The following DBT variants were observed in gnomAD, a reference collection of about 807,000 sequenced individuals.
DBT encodes lipoamide acyltransferase component of branched-chain alpha-keto acid dehydrogenase complex, mitochondrial.
In DBT, 40 loss-of-function variants were observed where a neutral mutation model predicts 51.3. The ratio of observed to expected loss-of-function variants is 0.78; its 90% CI spans 0.61 to 1.02. The LOEUF is 1.02. Among genes scored for constraint, DBT ranks in the 50% least tolerant of loss-of-function variants. The pLI, the probability that DBT is intolerant of heterozygous loss-of-function variation, is 0.00. For synonymous variants in DBT, 181 were observed against 190.4 expected, an observed-to-expected ratio of 0.95 and a Z score of 0.41; for missense variants, 510 against 580.2, an observed-to-expected ratio of 0.88 and a Z score of 1.24.
chr1:100,240,739 G>T, intron 2 of DBT, 22 bp downstream of exon 2: 1 of 1,567,054 alleles, frequency 6.4e-7, no homozygotes, highest in Non-Finnish European at 8.8e-7. Context: ...TTTTATACAC[G>T]TTATTTTGAA....
Position 100,210,694 on chromosome 1 carries a change from C to T in DBT, c.1017G>A (p.Lys339=), listed in dbSNP as rs1490661508. 5 of 1,612,978 alleles carry T rather than the reference C, an allele frequency of 3.1e-6. No individual in the cohort carries two copies. Among genetic ancestry groups the T allele is most frequent in the East Asian group, 2.2e-5 (1 of 44,808 alleles). ...AACATTTTTACTCTGCATAGCCAAC[C>T]TTATATGTTATATTCTGGCAGTTTT... The part of the protein sequence containing the change: ...VDENCQNITY[K]ASHNIGIAMD... Residue 339 remains lysine, a splice_region_variant and synonymous_variant, in exon 8 of 11, where the codon AAG becomes AAA. Transcript: ENST00000370132.
chr1:100,240,658 T>C (rs1235262519), intron 2 of DBT, 103 bp downstream of exon 2: 2 of 947,260 alleles, frequency 2.1e-6, no homozygotes, highest in Non-Finnish European at 3.4e-6. Context: ...AAATACAGAG[T>C]CAACTTTTTT....
chr1:100,206,274 T>A lies in DBT; in HGVS notation c.1237A>T (p.Ile413Leu). Residue 413 changes from isoleucine (I) to leucine (L), a missense_variant, in exon 10 of 11, where the codon ATA becomes TTA. Physicochemically the swap from Ile to Leu is conservative, Grantham distance 5 (BLOSUM62 2). Coordinates refer to ENST00000370132, the MANE Select transcript of DBT (RefSeq NM_001918.5). ...CCAATGGCTACTTCAGGTGGCATTA[T>A]CACTGGTTTGGCAAAGGTACCACCA... Reference protein sequence around the residue: ...SIGGTFAKPVIMPPEVAIGAL... With the variant: ...SIGGTFAKPVLMPPEVAIGAL... 2 of 1,612,516 alleles carry A rather than the reference T, an allele frequency of 1.2e-6. No individual in the cohort carries two copies. Among genetic ancestry groups the A allele is most frequent in the Non-Finnish European group, 1.7e-6 (2 of 1,179,354 alleles).
At chr1:100,198,963 A>T (rs1646458461) in intron 10 of DBT, among the ~76,000 whole-genome samples, 2 of 152,212 alleles carry the variant, frequency 1.3e-5, no homozygotes, top group African/African-American at 4.8e-5. Context: ...CACTCTTCTT[A>T]ATGTAGTGAC....
In DBT at chr1:100,217,960, C is replaced by T. The variant is rs368313761; in HGVS notation, c.555+666G>A. On this transcript the variant is annotated intron_variant, in intron 5 of 10. Coordinates refer to ENST00000370132, the MANE Select transcript of DBT (RefSeq NM_001918.5). ...TGACTTTAGACTAGTTACTTAAACCCTCCAAGTCTTAAAATAGCTCCTTAT... is the reference window on the plus strand; with the variant it reads ...TGACTTTAGACTAGTTACTTAAACCTTCCAAGTCTTAAAATAGCTCCTTAT... Among the ~76,000 whole-genome samples the T allele has an allele frequency of 3.9e-5, 6 of 152,098 alleles. No homozygotes were observed. The South Asian group carries it at 1.2e-3, about 32-fold the overall frequency.
chr1:100,212,434 A>G (rs1441844324), intron 7 of DBT, among the ~76,000 whole-genome samples: 2 of 152,058 alleles, frequency 1.3e-5, no homozygotes, highest in Non-Finnish European at 2.9e-5. Flanking sequence ...GCTTCTCGGG[A>G]GGCTGAGGCA....
intron 8 of DBT, among the ~76,000 whole-genome samples, chr1:100,207,879 T>C (rs1432819989): frequency 6.6e-6 from 1 of 151,438 alleles, no homozygotes; most frequent in East Asian, 1.9e-4. Flanking sequence ...ACGCCTGTAA[T>C]CCCGGCACTT....
At chr1:100,235,278 T>A (rs1663801310) in intron 3 of DBT, among the ~76,000 whole-genome samples, 158 bp downstream of exon 3, 2 of 152,190 alleles carry the variant, frequency 1.3e-5, no homozygotes, top group African/African-American at 4.8e-5. Flanking sequence ...ACAAGGTAAT[T>A]CTACCTTATT....
rs1660606614 is a variant in DBT, at chr1:100,187,238, A to G, written c.*9017T>C. 6.6e-6 allele frequency: 1 copy of G among 152,198 alleles called. No homozygotes were observed. The highest frequency in any genetic ancestry group is 2.4e-5 in the African/African-American group (1 of 41,432). 9.4% of individuals were successfully genotyped at this position (152,198 alleles called of 1,614,324 possible). A position where few individuals can be genotyped will look rare whatever the true frequency, so the allele number is the denominator to read the frequency against. On this transcript the variant is annotated 3_prime_UTR_variant, in exon 11 of 11. Transcript: ENST00000370132. ...ATCGGAAGAATAGAATAAAAGACAT[A>G]AAAGTCTTTCTTCAAAAGAAAAACA...
Position 100,241,901 on chromosome 1 carries a change from G to A in DBT, c.52-1017C>T, listed in dbSNP as rs929651307. Among the ~76,000 whole-genome samples, 18 of 151,956 alleles carry A rather than the reference G, an allele frequency of 1.2e-4. 1 individual carries two copies. Among genetic ancestry groups the A allele is most frequent in the Admixed American group, 1.1e-3 (17 of 15,238 alleles). On this transcript the variant is annotated intron_variant, in intron 1 of 10. Coordinates refer to ENST00000370132, the MANE Select transcript of DBT (RefSeq NM_001918.5). The stretch of plus-strand genomic sequence containing the variant: ...CTGGGCTTGGTGGCATGCGCCTGTA[G>A]TCCCAGCTACTTGGGAGGCTGAGGC...
intron 3 of DBT, among the ~76,000 whole-genome samples, chr1:100,231,159 A>G (rs993929698): frequency 1.3e-5 from 2 of 152,128 alleles, no homozygotes; most frequent in Admixed American, 6.5e-5. Flanking sequence ...ATTTAATTAA[A>G]CTCTCAGGTT....
chr1:100,244,526 A>T lies in DBT; in HGVS notation c.52-3642T>A, dbSNP rs865813351. ...AAAATTATCAAAAAAGGATTTTTTT[A>T]AAAAAATAACTATTACCGTATTCCT... On this transcript the variant is annotated intron_variant, in intron 1 of 10. Coordinates refer to ENST00000370132, the MANE Select transcript of DBT (RefSeq NM_001918.5). 7.2e-5 allele frequency among the ~76,000 whole-genome samples: 11 copies of T among 152,136 alleles called. No individual in the cohort carries two copies. The East Asian group carries it at 7.7e-4, about 11-fold the overall frequency.
intron 4 of DBT, among the ~76,000 whole-genome samples, chr1:100,223,384 G>A (rs1056862832): frequency 1.3e-5 from 2 of 152,124 alleles, no homozygotes; most frequent in African/African-American, 4.8e-5. Context: ...GTTTTGTTTT[G>A]GTTTTGAGAC....
intron 4 of DBT, among the ~76,000 whole-genome samples, chr1:100,225,022 CAAAAAAA>C (rs1553231585): frequency 1.5e-5 from 1 of 64,838 alleles, no homozygotes; most frequent in Non-Finnish European, 2.6e-5. Context: ...CGTCTCCCCC[CAAAAAAA>C]AAAAAAAAAA....
At chr1:100,215,344 A>C (rs1245316689) in intron 6 of DBT, among the ~76,000 whole-genome samples, 2 of 152,232 alleles carry the variant, frequency 1.3e-5, no homozygotes, top group African/African-American at 2.4e-5. Flanking sequence ...ACAAATCAGA[A>C]CTAGTTATTT....
At chr1:100,210,671 C>T (rs774692981) in intron 8 of DBT, 23 bp downstream of exon 8, 1 of 1,612,852 alleles carries the variant, frequency 6.2e-7, no homozygotes, top group East Asian at 2.2e-5. Context: ...ATAATAAGAA[C>T]ATTTTTACTC....
intron 4 of DBT, among the ~76,000 whole-genome samples, chr1:100,222,370 A>C (rs1451672961): frequency 6.6e-6 from 1 of 152,232 alleles, no homozygotes; most frequent in Non-Finnish European, 1.5e-5. Context: ...GAATTTTGTA[A>C]ATAATGCATA....
Position 100,234,998 on chromosome 1 carries a change from A to C in DBT, c.251+438T>G, listed in dbSNP as rs1663783352. ...AAAGAAAAAAATGGGGTAGAGGATG[A>C]AAGGCTTTTGTCTGTTTCAGGCCCT... On this transcript the variant is annotated intron_variant, in intron 3 of 10. Coordinates refer to ENST00000370132, the MANE Select transcript of DBT (RefSeq NM_001918.5). 2.6e-5 allele frequency among the ~76,000 whole-genome samples: 4 copies of C among 152,304 alleles called. No homozygotes were observed. The South Asian group carries it at 8.3e-4, about 32-fold the overall frequency.
In DBT at chr1:100,196,418, A is replaced by T; in HGVS notation, c.1286T>A (p.Ile429Asn). Residue 429 changes from isoleucine to asparagine, a missense_variant, in exon 11 of 11, where the codon ATT becomes AAT. Transcript: ENST00000370132. The part of the protein sequence containing the change: ...AIGALGSIKA[I>N]PRFNQKGEVY... Reference sequence around the variant, plus strand: ...TTCTCCTTTCTGGTTAAATCGGGGAATGGCCTAGAAATGAAAAAAAAAAAA... The same window carrying T: ...TTCTCCTTTCTGGTTAAATCGGGGATTGGCCTAGAAATGAAAAAAAAAAAA... The T allele has an allele frequency of 2.0e-5, 18 of 918,390 alleles. No individual in the cohort carries two copies. Among genetic ancestry groups the T allele is most frequent in the Non-Finnish European group, 2.8e-5 (17 of 613,246 alleles). 56.9% of individuals were successfully genotyped at this position (918,390 alleles called of 1,614,324 possible).
Sources: allele counts gnomAD v4.1 joint callset (sites outside exome capture counted in the v4.1 genomes callset), GRCh38; gene constraint gnomAD v4.1.1; transcripts MANE v1.5; gene names NCBI Gene and HGNC (gene_info 2026-07-23, HGNC 2026-07-21).